TMEM132D: variants seen among roughly 807,000 people sequenced by gnomAD.
The protein encoded by TMEM132D is transmembrane protein 132D, also known as mature OL transmembrane protein.
In TMEM132D, 21 loss-of-function variants were observed where a neutral mutation model predicts 62.3. That is an observed-to-expected ratio of 0.34 (90% CI 0.24 to 0.49). The LOEUF is 0.49. Among genes scored for constraint, TMEM132D ranks in the 20% least tolerant of loss-of-function variants. The pLI is 0.99. For synonymous variants in TMEM132D, 621 were observed against 575.6 expected, an observed-to-expected ratio of 1.08 and a Z score of -1.13; for missense variants, 1,346 against 1,402.8, an observed-to-expected ratio of 0.96 and a Z score of 0.65.
At chr12:129,557,323 A>G (rs1483822650) in intron 2 of TMEM132D, among the ~76,000 whole-genome samples, 4 of 152,214 alleles carry the variant, frequency 2.6e-5, no homozygotes. Context: ...TCACTCATAA[A>G]TACAGACAGT....
chr12:129,493,568 C>T (rs1353552969), intron 3 of TMEM132D, among the ~76,000 whole-genome samples: 1 of 152,152 alleles, frequency 6.6e-6, no homozygotes, highest in Non-Finnish European at 1.5e-5. Flanking sequence ...AATAAATATG[C>T]ATTATAATAA....
At chr12:129,269,883 C>G (rs1880805933) in intron 4 of TMEM132D, among the ~76,000 whole-genome samples, 1 of 152,148 alleles carries the variant, frequency 6.6e-6, no homozygotes, top group South Asian at 2.1e-4. Context: ...AGGGCTTCAG[C>G]TATTGCCACT....
intron 2 of TMEM132D, among the ~76,000 whole-genome samples, chr12:129,600,869 T>A (rs775379949): frequency 3.9e-5 from 6 of 152,174 alleles, no homozygotes; most frequent in Non-Finnish European, 8.8e-5. Flanking sequence ...AGAGTAAGCA[T>A]AATTATTAAG....
intron 2 of TMEM132D, among the ~76,000 whole-genome samples, chr12:129,633,723 A>G (rs1879409263): frequency 6.6e-6 from 1 of 152,034 alleles, no homozygotes; most frequent in Non-Finnish European, 1.5e-5. Flanking sequence ...TCCATCTCCC[A>G]TTTAACGGTC....
intron 1 of TMEM132D, among the ~76,000 whole-genome samples, chr12:129,785,370 A>C (rs1871223679): frequency 1.3e-5 from 2 of 152,204 alleles, no homozygotes; most frequent in Non-Finnish European, 2.9e-5. Flanking sequence ...GTATAGCTTT[A>C]GGACTTGAGC....
At chr12:129,086,200 G>A (rs80095328) in intron 5 of TMEM132D, among the ~76,000 whole-genome samples, 19,705 of 78,324 alleles carry the variant, frequency 0.25, 1,495 homozygotes, top group South Asian at 0.33. Flanking sequence ...TCACGCGCGC[G>A]CGTGTGTGTG....
intron 5 of TMEM132D, among the ~76,000 whole-genome samples, chr12:129,191,992 C>G (rs528441987): frequency 6.6e-6 from 1 of 152,212 alleles, no homozygotes; most frequent in African/African-American, 2.4e-5. Context: ...GAATTCTGTA[C>G]GAAAGCTTCC....
chr12:129,420,306 G>GGTTTTTTTTTTTTTTTTTTTTTTTT (rs1457529737), intron 3 of TMEM132D, among the ~76,000 whole-genome samples: 2 of 112,312 alleles, frequency 1.8e-5, no homozygotes, highest in Admixed American at 1.9e-4. Context: ...CACGTTCTCT[G>GGTTTTTTTTTTTTTTTTTTTTTTTT]TTTTTTTTTT....
chr12:129,178,109 T>G (rs1309996192), intron 5 of TMEM132D, among the ~76,000 whole-genome samples: 1 of 152,236 alleles, frequency 6.6e-6, no homozygotes, highest in Non-Finnish European at 1.5e-5. Flanking sequence ...TCTTGTTCCT[T>G]TTTATGGCTG....
At chr12:129,590,037 G>C (rs1878146371) in intron 2 of TMEM132D, among the ~76,000 whole-genome samples, 1 of 152,120 alleles carries the variant, frequency 6.6e-6, no homozygotes, top group Admixed American at 6.5e-5. Context: ...ACTTAGCCAG[G>C]AGTACATATT....
chr12:129,791,285 G>A (rs1871394537), intron 1 of TMEM132D, among the ~76,000 whole-genome samples: 1 of 151,952 alleles, frequency 6.6e-6, no homozygotes. Flanking sequence ...AAAATATATT[G>A]GTCAAAAATT....
intron 3 of TMEM132D, among the ~76,000 whole-genome samples, chr12:129,514,030 G>A (rs757964767): frequency 6.7e-6 from 1 of 149,452 alleles, no homozygotes. Context: ...CAGTGGAGAC[G>A]GGGTTTCACT....
intron 4 of TMEM132D, among the ~76,000 whole-genome samples, chr12:129,216,461 G>A (rs1168023138): frequency 6.6e-6 from 1 of 152,174 alleles, no homozygotes; most frequent in Non-Finnish European, 1.5e-5. Flanking sequence ...ACACAGGGAG[G>A]ATGGCACAGG....
intron 4 of TMEM132D, among the ~76,000 whole-genome samples, chr12:129,275,769 T>G (rs1159807480): frequency 6.6e-6 from 1 of 152,208 alleles, no homozygotes; most frequent in East Asian, 1.9e-4. Context: ...GAGCACCATC[T>G]AGAGGTGTCC....
chr12:129,097,083 C>T (rs527671524), intron 5 of TMEM132D, among the ~76,000 whole-genome samples: 8 of 152,348 alleles, frequency 5.3e-5, no homozygotes, highest in Non-Finnish European at 1.0e-4. Flanking sequence ...CTGGTCCTGG[C>T]CAGGGTTTCT....
chr12:129,460,909 G>C (rs4759947), intron 3 of TMEM132D, among the ~76,000 whole-genome samples: 149,737 of 152,280 alleles, frequency 0.98, 73,668 homozygotes, highest in East Asian at 1. Flanking sequence ...GCCAGAGACA[G>C]AGAAGCCAAA....
intron 4 of TMEM132D, among the ~76,000 whole-genome samples, chr12:129,253,700 C>T (rs1433554546): frequency 6.6e-6 from 1 of 152,166 alleles, no homozygotes; most frequent in East Asian, 1.9e-4. Flanking sequence ...TGGATCATTT[C>T]TGGTGCTATC....
chr12:129,561,413 A>G lies in TMEM132D; in HGVS notation c.969-30208T>C, dbSNP rs114072384. 3.9e-3 allele frequency among the ~76,000 whole-genome samples: 588 copies of G among 152,324 alleles called. 2 individuals carry two copies. The highest frequency in any genetic ancestry group is 0.014 in the African/African-American group (563 of 41,576). ...CTCCAGAACTAATTTCATTCATGGA[A>G]CGCTAGGCATGGAATCTCAGCTGTT... On this transcript the variant is annotated intron_variant, in intron 2 of 8. Coordinates refer to ENST00000422113, the MANE Select transcript of TMEM132D (RefSeq NM_133448.3).
At chr12:129,612,375 A>C (rs1210444522) in intron 2 of TMEM132D, among the ~76,000 whole-genome samples, 2 of 152,160 alleles carry the variant, frequency 1.3e-5, no homozygotes, top group East Asian at 3.9e-4. Context: ...AAGTTGCATA[A>C]ATTCTGCAGC....
Sources: allele counts gnomAD v4.1 joint callset (sites outside exome capture counted in the v4.1 genomes callset), GRCh38; gene constraint gnomAD v4.1.1; transcripts MANE v1.5; gene names NCBI Gene and HGNC (gene_info 2026-07-23, HGNC 2026-07-21).